Variants in DLG2 observed in about 807,000 individuals in gnomAD.
The protein encoded by DLG2 is disks large homolog 2.
DLG2 carries 45 observed loss-of-function variants against 132.5 expected under a neutral mutation model. The observed-to-expected ratio is 0.34, with a 90% CI of 0.27 to 0.44. The LOEUF (loss-of-function observed/expected upper bound fraction) is 0.44. DLG2 is among the 20% of genes least tolerant of loss of function. The pLI, the probability that DLG2 is intolerant of heterozygous loss-of-function variation, is 1.00. For missense variants in DLG2, 1,045 were observed against 1,196.9 expected (o/e 0.87, Z 1.87); for synonymous variants, 424 against 419.6 (o/e 1.01, Z -0.13).
rs532793481 is a variant in DLG2, at chr11:85,517,612, C to CT, written c.40+81044dup. Reference sequence around the variant, plus strand: ...TAAAAATCAGTAGCATTTCTTTCTTCTTTTTTTTTTTTTAAGAGACAGGGT... The same window carrying CT: ...TAAAAATCAGTAGCATTTCTTTCTTCTTTTTTTTTTTTTTAAGAGACAGGGT... On this transcript the variant is annotated intron_variant, in intron 3 of 27. Transcript: ENST00000376104. Among the ~76,000 whole-genome samples, 121 of 145,052 alleles carry CT rather than the reference C, an allele frequency of 8.3e-4. 1 individual carries two copies. Among genetic ancestry groups the CT allele is most frequent in the African/African-American group, 1.5e-3 (61 of 39,746 alleles).
rs543328898 is a variant in DLG2, at chr11:84,618,165, T to C, written c.358-83434A>G. ...TTGTAACTATTTGGGGAGGAGCATATAGGTTCATATGAGTAAGTAGAAGGA... is the reference window on the plus strand; with the variant it reads ...TTGTAACTATTTGGGGAGGAGCATACAGGTTCATATGAGTAAGTAGAAGGA... On this transcript the variant is annotated intron_variant, in intron 6 of 27. Transcript: ENST00000376104. Among the ~76,000 whole-genome samples, 15 of 152,156 alleles carry C rather than the reference T, an allele frequency of 9.9e-5. No homozygotes were observed. The South Asian group carries it at 3.1e-3, about 32-fold the overall frequency.
At chr11:85,460,692 C>T (rs1267820674) in intron 3 of DLG2, among the ~76,000 whole-genome samples, 1 of 152,170 alleles carries the variant, frequency 6.6e-6, no homozygotes, top group Non-Finnish European at 1.5e-5. Flanking sequence ...CCTCACTTTT[C>T]AATATTTTAA....
intron 15 of DLG2, among the ~76,000 whole-genome samples, chr11:83,907,717 G>A (rs1354850996): frequency 2.0e-5 from 3 of 152,078 alleles, no homozygotes; most frequent in Non-Finnish European, 2.9e-5. Context: ...GACACTACTG[G>A]TAAAGGAAGA....
chr11:84,477,696 C>T (rs541021362), intron 7 of DLG2, among the ~76,000 whole-genome samples: 1 of 152,220 alleles, frequency 6.6e-6, no homozygotes, highest in South Asian at 2.1e-4. Context: ...TATTTTCTAA[C>T]CCTTCAGTGA....
chr11:84,988,816 A>T (rs1013268474), intron 6 of DLG2, among the ~76,000 whole-genome samples: 1 of 152,200 alleles, frequency 6.6e-6, no homozygotes, highest in South Asian at 2.1e-4. Flanking sequence ...ACAAATCACC[A>T]CTACAGAACT....
intron 3 of DLG2, among the ~76,000 whole-genome samples, chr11:85,456,183 G>A (rs757417519): frequency 2.6e-5 from 4 of 151,892 alleles, no homozygotes; most frequent in Non-Finnish European, 5.9e-5. Context: ...GGGATTCCTG[G>A]TTCACTCTTG....
At chr11:84,982,022 T>G (rs1303415698) in intron 6 of DLG2, among the ~76,000 whole-genome samples, 2 of 152,160 alleles carry the variant, frequency 1.3e-5, no homozygotes. Flanking sequence ...CAATACTTTC[T>G]ACATTTTTAC....
intron 7 of DLG2, among the ~76,000 whole-genome samples, chr11:84,300,987 T>C (rs1321810903): frequency 2.0e-5 from 3 of 152,274 alleles, no homozygotes; most frequent in Admixed American, 6.5e-5. Flanking sequence ...TTTTGTCTTG[T>C]GTTAACTGTT....
intron 4 of DLG2, among the ~76,000 whole-genome samples, chr11:85,183,630 C>T (rs987917186): frequency 6.6e-6 from 1 of 151,926 alleles, no homozygotes; most frequent in African/African-American, 2.4e-5. Flanking sequence ...AAAAGACACA[C>T]AGAATATTAT....
chr11:83,722,772 A>T (rs1450836877), intron 18 of DLG2, among the ~76,000 whole-genome samples: 1 of 152,174 alleles, frequency 6.6e-6, no homozygotes, highest in Non-Finnish European at 1.5e-5. Context: ...TTTGGATGCA[A>T]GTCTCTTAGT....
At chr11:85,116,836 G>T (rs2073662182) in intron 5 of DLG2, among the ~76,000 whole-genome samples, 1 of 151,940 alleles carries the variant, frequency 6.6e-6, no homozygotes, top group African/African-American at 2.4e-5. Context: ...TATAATGCTG[G>T]TATACAAAAG....
chr11:85,323,010 T>C (rs1296126616), intron 3 of DLG2, among the ~76,000 whole-genome samples: 1 of 152,232 alleles, frequency 6.6e-6, no homozygotes, highest in Non-Finnish European at 1.5e-5. Flanking sequence ...TGACTGTTCA[T>C]TGCATTTATT....
intron 7 of DLG2, among the ~76,000 whole-genome samples, chr11:84,303,517 T>C (rs901847645): frequency 6.6e-6 from 1 of 152,196 alleles, no homozygotes; most frequent in Non-Finnish European, 1.5e-5. Flanking sequence ...AAAATGTATT[T>C]CGTGACATTA....
intron 6 of DLG2, among the ~76,000 whole-genome samples, chr11:84,658,134 C>A (rs1374187427): frequency 6.6e-6 from 1 of 152,076 alleles, no homozygotes; most frequent in Non-Finnish European, 1.5e-5. Flanking sequence ...TTCCTTCTTA[C>A]TTTCTATAGG....
intron 4 of DLG2, among the ~76,000 whole-genome samples, chr11:85,250,517 C>T (rs927229946): frequency 2.0e-5 from 3 of 152,082 alleles, no homozygotes; most frequent in Non-Finnish European, 4.4e-5. Context: ...AAATTTACTA[C>T]CCAATTTTTT....
chr11:85,161,157 T>A (rs528727211), intron 4 of DLG2, among the ~76,000 whole-genome samples: 24 of 152,344 alleles, frequency 1.6e-4, no homozygotes, highest in African/African-American at 5.1e-4. Flanking sequence ...ATGGGATTGC[T>A]CTCCAATGAG....
In DLG2 at chr11:85,285,087, T is replaced by C. The variant is rs1595938868; in HGVS notation, c.186+133A>G. 3 of 703,620 alleles carry C rather than the reference T, an allele frequency of 4.3e-6. No homozygotes were observed. The East Asian group carries it at 8.3e-5, about 19-fold the overall frequency. 43.6% of individuals were successfully genotyped at this position (703,620 alleles called of 1,614,324 possible). A position where few individuals can be genotyped will look rare whatever the true frequency, so the allele number is the denominator to read the frequency against. ...TGAATTTTCATATATGAAAATTGCA[T>C]ACAGTATGGTATAACTACATTTCTA... On this transcript the variant is annotated intron_variant, in intron 4 of 27. Coordinates refer to ENST00000376104, the MANE Select transcript of DLG2 (RefSeq NM_001142699.3).
At chr11:85,616,446 T>C (rs1044369742) in intron 2 of DLG2, among the ~76,000 whole-genome samples, 6 of 152,200 alleles carry the variant, frequency 3.9e-5, no homozygotes, top group African/African-American at 1.4e-4. Flanking sequence ...TACTTTGAGA[T>C]ATTAAAACTT....
chr11:83,770,435 A>T (rs1308604831), intron 18 of DLG2, among the ~76,000 whole-genome samples: 1 of 152,110 alleles, frequency 6.6e-6, no homozygotes, highest in East Asian at 1.9e-4. Flanking sequence ...CAGAGGATGA[A>T]ACATCAAGGC....
Sources: gnomAD v4.1 joint callset for allele counts (sites outside exome capture counted in the v4.1 genomes callset) on GRCh38, gnomAD v4.1.1 for gene constraint, MANE v1.5 for transcripts, NCBI Gene and HGNC (gene_info 2026-07-23, HGNC 2026-07-21) for gene names.